Variants in ANO3 observed in about 807,000 individuals in gnomAD.
The protein encoded by ANO3 is anoctamin-3.
ANO3 carries 99 observed loss-of-function variants against 144.8 expected under a neutral mutation model. The observed-to-expected ratio is 0.68, with a 90% CI of 0.58 to 0.81. ANO3 has a LOEUF of 0.81. Among genes scored for constraint, ANO3 ranks in the 30% least tolerant of loss-of-function variants. ANO3 has a pLI of 0.00. For missense variants in ANO3, 905 were observed against 1,202.2 expected, an observed-to-expected ratio of 0.75 and a Z score of 3.66; for synonymous variants, 414 against 392.6, an observed-to-expected ratio of 1.05 and a Z score of -0.64.
chr11:26,452,271 G>T (rs1281632411), intron 3 of ANO3, among the ~76,000 whole-genome samples: 1 of 152,154 alleles, frequency 6.6e-6, no homozygotes, highest in Non-Finnish European at 1.5e-5. Context: ...GGCTTCAGAT[G>T]ATCAAACTAC....
At chr11:26,243,702 T>C (rs937718679) in intron 1 of ANO3, among the ~76,000 whole-genome samples, 2 of 152,134 alleles carry the variant, frequency 1.3e-5, no homozygotes, top group African/African-American at 4.8e-5. Flanking sequence ...CAATTCAAGA[T>C]GTTATGGAGG....
intron 4 of ANO3, among the ~76,000 whole-genome samples, chr11:26,465,116 T>G: frequency 7.2e-6 from 1 of 138,076 alleles, no homozygotes; most frequent in African/African-American, 2.7e-5. Flanking sequence ...TTATACCCCA[T>G]CATTAAATTG....
At chr11:26,360,876 G>A (rs1352660634) in intron 1 of ANO3, among the ~76,000 whole-genome samples, 1 of 152,176 alleles carries the variant, frequency 6.6e-6, no homozygotes, top group East Asian at 1.9e-4. Context: ...ATGGACAAGT[G>A]ATAAGAATGT....
intron 1 of ANO3, among the ~76,000 whole-genome samples, chr11:26,210,824 A>G (rs1851917202): frequency 6.6e-6 from 1 of 152,012 alleles, no homozygotes; most frequent in Admixed American, 6.6e-5. Flanking sequence ...ATTTTTGCGC[A>G]TTGATTTTGT....
chr11:26,606,748 G>T (rs1226538644), intron 17 of ANO3, among the ~76,000 whole-genome samples: 2 of 151,970 alleles, frequency 1.3e-5, no homozygotes, highest in South Asian at 4.2e-4. Flanking sequence ...TCTTTTAATT[G>T]GGGCATTTAG....
intron 3 of ANO3, among the ~76,000 whole-genome samples, chr11:26,448,924 C>G (rs574612129): frequency 6.6e-6 from 1 of 152,018 alleles, no homozygotes; most frequent in African/African-American, 2.4e-5. Context: ...TCTCCCTGCT[C>G]AAAATCTTGC....
At chr11:26,344,598 C>A (rs1031768405) in intron 1 of ANO3, among the ~76,000 whole-genome samples, 1 of 152,088 alleles carries the variant, frequency 6.6e-6, no homozygotes, top group African/African-American at 2.4e-5. Context: ...ATCTCCTGAC[C>A]TTGTGATCCG....
intron 1 of ANO3, among the ~76,000 whole-genome samples, chr11:26,289,066 G>A (rs1270264216): frequency 2.0e-5 from 3 of 152,068 alleles, no homozygotes; most frequent in Non-Finnish European, 4.4e-5. Flanking sequence ...CTAGGCCTTA[G>A]GAATATGGAG....
chr11:26,495,302 G>C (rs1183106001), intron 4 of ANO3, among the ~76,000 whole-genome samples: 1 of 140,366 alleles, frequency 7.1e-6, no homozygotes, highest in Non-Finnish European at 1.5e-5. Flanking sequence ...TAGAGATAGG[G>C]TTTCTCTGTG....
At chr11:26,614,509 G>T (rs1479011080) in intron 17 of ANO3, among the ~76,000 whole-genome samples, 1 of 152,142 alleles carries the variant, frequency 6.6e-6, no homozygotes, top group Non-Finnish European at 1.5e-5. Flanking sequence ...ATGGGTCCAG[G>T]TTCAAAATAG....
intron 1 of ANO3, among the ~76,000 whole-genome samples, chr11:26,352,691 C>G (rs1463131249): frequency 1.3e-5 from 2 of 152,116 alleles, no homozygotes; most frequent in African/African-American, 4.8e-5. Flanking sequence ...TGTTTCTTTA[C>G]CATTCTCTTT....
chr11:26,302,509 A>G (rs1481841936), intron 1 of ANO3, among the ~76,000 whole-genome samples: 5 of 152,180 alleles, frequency 3.3e-5, no homozygotes, highest in African/African-American at 1.2e-4. Flanking sequence ...AATAATGATA[A>G]TAAAAAGGAA....
At chr11:26,402,392 G>T (rs1223108469) in intron 1 of ANO3, among the ~76,000 whole-genome samples, 2 of 151,954 alleles carry the variant, frequency 1.3e-5, no homozygotes, top group African/African-American at 4.8e-5. Context: ...AATGATTAAT[G>T]ATGTTCAGCT....
chr11:26,262,719 A>AACACACACACACACACACACACAC (rs144643690), intron 1 of ANO3, among the ~76,000 whole-genome samples: 4 of 149,108 alleles, frequency 2.7e-5, no homozygotes, highest in East Asian at 3.9e-4. Context: ...CCTTATAGTA[A>AACACACACACACACACACACACAC]ACACACACAC....
At chr11:26,472,122 A>G (rs922371850) in intron 4 of ANO3, among the ~76,000 whole-genome samples, 1 of 151,966 alleles carries the variant, frequency 6.6e-6, no homozygotes, top group East Asian at 1.9e-4. Context: ...TAAACATTCA[A>G]TCAATCACAG....
At chr11:26,441,582 C>G (rs570532835) in intron 1 of ANO3, among the ~76,000 whole-genome samples, 1 of 152,106 alleles carries the variant, frequency 6.6e-6, no homozygotes, top group Non-Finnish European at 1.5e-5. Context: ...TATTTGAAAG[C>G]CTAAATCATA....
chr11:26,627,841 G>A (rs28760479), intron 18 of ANO3, among the ~76,000 whole-genome samples: 3,678 of 144,104 alleles, frequency 0.026, 58 homozygotes, highest in Middle Eastern at 0.043. Context: ...GTGTGTGTGT[G>A]TGTGTGTGTG....
At position 26,538,446 on chromosome 11, in the gene ANO3, A is replaced by T. The variant is rs909934232; in HGVS notation, c.1032+985A>T. The stretch of plus-strand genomic sequence containing the variant: ...CATGTATTTTCCCGTTATTCTGAAC[A>T]TAACCCTGGAGGGGTAAATCTTATT... On this transcript the variant is annotated intron_variant, in intron 10 of 26. Coordinates refer to ENST00000256737, the MANE Select transcript of ANO3 (RefSeq NM_031418.4). 3.9e-5 allele frequency among the ~76,000 whole-genome samples: 6 copies of T among 152,194 alleles called. 1 individual carries two copies. In the South Asian group the frequency reaches 1.0e-3, roughly 26 times the overall value.
chr11:26,473,409 A>T (rs753145412), intron 4 of ANO3, among the ~76,000 whole-genome samples: 4 of 151,978 alleles, frequency 2.6e-5, no homozygotes, highest in Non-Finnish European at 5.9e-5. Flanking sequence ...TCATATCATT[A>T]TGTGCAGCTC....
Sources: gnomAD v4.1 joint callset for allele counts (sites outside exome capture counted in the v4.1 genomes callset) on GRCh38, gnomAD v4.1.1 for gene constraint, MANE v1.5 for transcripts, NCBI Gene and HGNC (gene_info 2026-07-23, HGNC 2026-07-21) for gene names.